ELOC: variants seen among roughly 807,000 people sequenced by gnomAD.
The protein encoded by ELOC is elongin-C.
For synonymous variants in ELOC, 40 were observed against 51.3 expected (o/e 0.78, Z 0.94); for missense variants, 38 against 139.0 (o/e 0.27, Z 3.65).
chr8:73,967,936 T>A (rs1054885381), intron 1 of ELOC, among the ~76,000 whole-genome samples: 1 of 152,148 alleles, frequency 6.6e-6, no homozygotes, highest in Non-Finnish European at 1.5e-5. Context: ...TAATCTGCAG[T>A]CCCCCATTCC....
At chr8:73,951,028 T>C (rs1334677636) in intron 3 of ELOC, among the ~76,000 whole-genome samples, 1 of 152,156 alleles carries the variant, frequency 6.6e-6, no homozygotes, top group African/African-American at 2.4e-5. Context: ...CCCAACACTT[T>C]GGGAGGCCGA....
chr8:73,947,071 C>G (rs1243706477), intron 3 of ELOC, among the ~76,000 whole-genome samples: 1 of 152,176 alleles, frequency 6.6e-6, no homozygotes, highest in Non-Finnish European at 1.5e-5. Flanking sequence ...TCACTGCAAC[C>G]TCCACCTCCC....
chr8:73,971,250 A>G (rs997500710), intron 1 of ELOC, among the ~76,000 whole-genome samples: 2 of 151,830 alleles, frequency 1.3e-5, no homozygotes, highest in Non-Finnish European at 2.9e-5. Flanking sequence ...TACTAATAAT[A>G]GATTAGTCAG....
At chr8:73,967,193 C>T (rs1815042453) in intron 1 of ELOC, among the ~76,000 whole-genome samples, 1 of 152,150 alleles carries the variant, frequency 6.6e-6, no homozygotes, top group Non-Finnish European at 1.5e-5. Flanking sequence ...GCTCTACATG[C>T]TTGGGAGGAA....
At chr8:73,969,945 C>CA (rs1815242909) in intron 1 of ELOC, among the ~76,000 whole-genome samples, 1 of 152,178 alleles carries the variant, frequency 6.6e-6, no homozygotes. Context: ...TTAATAACAA[C>CA]AATAAAGAAT....
At chr8:73,950,470 C>CAA (rs887967818) in intron 3 of ELOC, among the ~76,000 whole-genome samples, 6 of 152,142 alleles carry the variant, frequency 3.9e-5, no homozygotes, top group African/African-American at 1.4e-4. Flanking sequence ...GACTGTATTT[C>CAA]AATGTAACCA....
chr8:73,957,736 C>T (rs1814290533), intron 2 of ELOC, among the ~76,000 whole-genome samples: 1 of 152,128 alleles, frequency 6.6e-6, no homozygotes, highest in Non-Finnish European at 1.5e-5. Context: ...GCATTATGAT[C>T]ATTTAAAATT....
At chr8:73,947,628 C>T (rs1813467206) in intron 3 of ELOC, among the ~76,000 whole-genome samples, 1 of 151,652 alleles carries the variant, frequency 6.6e-6, no homozygotes, top group Admixed American at 6.6e-5. Context: ...GGCTGGAGTG[C>T]AGTGGCATGG....
intron 1 of ELOC, among the ~76,000 whole-genome samples, chr8:73,967,152 T>C (rs1815038752): frequency 1.3e-5 from 2 of 152,186 alleles, no homozygotes; most frequent in South Asian, 2.1e-4. Context: ...CATTTCTATA[T>C]GTATCAAGGG....
At chr8:73,971,135 G>C (rs940706153) in intron 1 of ELOC, among the ~76,000 whole-genome samples, 2 of 152,144 alleles carry the variant, frequency 1.3e-5, no homozygotes, top group Admixed American at 6.6e-5. Flanking sequence ...GCCAGGCGCG[G>C]TGGCTCACGC....
intron 1 of ELOC, among the ~76,000 whole-genome samples, chr8:73,966,336 G>A (rs1451117672): frequency 6.6e-6 from 1 of 152,114 alleles, no homozygotes; most frequent in African/African-American, 2.4e-5. Flanking sequence ...GAGGGAGAAT[G>A]GCAAGGAGAA....
chr8:73,956,292 G>A (rs1186463901), intron 2 of ELOC, among the ~76,000 whole-genome samples: 1 of 152,126 alleles, frequency 6.6e-6, no homozygotes, highest in Non-Finnish European at 1.5e-5. Flanking sequence ...GGCTGAGGCA[G>A]GAGAATCACT....
At position 73,967,851 on chromosome 8, in the gene ELOC, G is replaced by A. The variant is rs139779744; in HGVS notation, c.-51+4226C>T. Among the ~76,000 whole-genome samples, 906 of 152,262 alleles carry A rather than the reference G, an allele frequency of 6.0e-3. 13 individuals are homozygous for A. The highest frequency in any genetic ancestry group is 0.021 in the African/African-American group (858 of 41,548). On this transcript the variant is annotated intron_variant, in intron 1 of 3. Coordinates refer to ENST00000520242, the MANE Select transcript of ELOC (RefSeq NM_005648.4). Reference sequence around the variant, plus strand: ...CATTTAAAAACCATTCTTAGCTTGCGGGTAGTATAAAAGCAGGTAGTGGGC... The same window carrying A: ...CATTTAAAAACCATTCTTAGCTTGCAGGTAGTATAAAAGCAGGTAGTGGGC...
At chr8:73,968,711 T>C (rs541477697) in intron 1 of ELOC, among the ~76,000 whole-genome samples, 27 of 152,232 alleles carry the variant, frequency 1.8e-4, no homozygotes, top group Non-Finnish European at 3.4e-4. Context: ...CAATGATTGA[T>C]ATTCCGTCAC....
chr8:73,962,448 A>C (rs780091946), intron 1 of ELOC, among the ~76,000 whole-genome samples: 18 of 152,184 alleles, frequency 1.2e-4, no homozygotes, highest in Non-Finnish European at 2.1e-4. Flanking sequence ...TAAATCCTCA[A>C]ATAGTTCTCT....
rs1383263197 is a variant in ELOC, at chr8:73,945,148, C to G, written c.*1482G>C. ...TTTTTTTTTTTTTTTGAGACAGTCT[C>G]GCTCTGTCACCCAGGCTGGAGTGCA... On this transcript the variant is annotated 3_prime_UTR_variant, in exon 4 of 4. Transcript: ENST00000520242. 1 of 124,592 alleles carries G rather than the reference C, an allele frequency of 8.0e-6. No homozygotes were observed. Among genetic ancestry groups the G allele is most frequent in the Admixed American group, 9.6e-5 (1 of 10,414 alleles). The allele number at this position is 124,592 out of a possible 1,614,324, so 7.7% of individuals were successfully genotyped here.
intron 1 of ELOC, among the ~76,000 whole-genome samples, chr8:73,962,124 G>A (rs949667226): frequency 6.6e-6 from 1 of 152,150 alleles, no homozygotes; most frequent in Non-Finnish European, 1.5e-5. Context: ...TTGAGCTCCT[G>A]ACCTCAAGTG....
At chr8:73,966,188 CA>C (rs111805289) in intron 1 of ELOC, among the ~76,000 whole-genome samples, 5,913 of 152,164 alleles carry the variant, frequency 0.039, 357 homozygotes, top group African/African-American at 0.13. Context: ...ACAAACATTC[CA>C]ACCTAATGGG....
intron 1 of ELOC, 65 bp from the exon 2 acceptor site, chr8:73,959,883 T>C (rs1814473290): frequency 1.2e-6 from 1 of 821,502 alleles, no homozygotes; most frequent in African/African-American, 1.8e-5. Context: ...TTCACTGTTA[T>C]TTAATGTCCT....
Sources: allele counts gnomAD v4.1 joint callset (sites outside exome capture counted in the v4.1 genomes callset), GRCh38; gene constraint gnomAD v4.1.1; transcripts MANE v1.5; gene names NCBI Gene and HGNC (gene_info 2026-07-23, HGNC 2026-07-21).